The following ULK4 variants were observed in gnomAD, a reference collection of about 807,000 sequenced individuals.
ULK4 encodes inactive serine/threonine-protein kinase ULK4.
A neutral mutation model predicts 160.6 loss-of-function variants in ULK4; 133 were observed. That is an observed-to-expected ratio of 0.83 (90% CI 0.72 to 0.96). The LOEUF is 0.96. Ranked by LOEUF, ULK4 falls within the 40% of genes least tolerant of loss-of-function variation. ULK4 has a pLI of 0.00. For missense variants in ULK4, 1,580 were observed against 1,499.5 expected, an observed-to-expected ratio of 1.05 and a Z score of -0.89; for synonymous variants, 534 against 539.8, an observed-to-expected ratio of 0.99 and a Z score of 0.15.
At chr3:41,591,441 A>T (rs1011901078) in intron 31 of ULK4, among the ~76,000 whole-genome samples, 2 of 152,052 alleles carry the variant, frequency 1.3e-5, no homozygotes, top group African/African-American at 4.8e-5. Context: ...CCACACTGGA[A>T]GAAGAATTGT....
chr3:41,325,224 C>T (rs559049905), intron 35 of ULK4, among the ~76,000 whole-genome samples: 1 of 152,172 alleles, frequency 6.6e-6, no homozygotes, highest in South Asian at 2.1e-4. Context: ...CAAAGATAAC[C>T]ACCCCTTTTC....
intron 31 of ULK4, among the ~76,000 whole-genome samples, chr3:41,596,320 G>A (rs1453192790): frequency 2.0e-5 from 3 of 152,186 alleles, no homozygotes; most frequent in Non-Finnish European, 2.9e-5. Flanking sequence ...GTATAATTGT[G>A]TATTTTTCTC....
Position 41,858,145 on chromosome 3 carries a change from TTG to T in ULK4, c.1657-22176_1657-22175del, listed in dbSNP as rs1460602662. On this transcript the variant is annotated intron_variant, in intron 17 of 36. Transcript: ENST00000301831. ...CTGTATCCCATAGGGTTTTTTTTGT[TTG>T]TTTTTTTTTTTTTTTTTTTTTTTGG... 3.5e-3 allele frequency among the ~76,000 whole-genome samples: 284 copies of T among 80,132 alleles called. 1 individual carries two copies. Among genetic ancestry groups the T allele is most frequent in the African/African-American group, 0.033 (250 of 7,634 alleles). The allele number at this position is 80,132 out of a possible 152,430, so 52.6% of individuals were successfully genotyped here.
At chr3:41,680,135 T>A (rs1476318882) in intron 29 of ULK4, among the ~76,000 whole-genome samples, 1 of 152,214 alleles carries the variant, frequency 6.6e-6, no homozygotes, top group Non-Finnish European at 1.5e-5. Context: ...CTAAAAACAT[T>A]AATCCCATTA....
chr3:41,671,282 A>C (rs983238130), intron 29 of ULK4, among the ~76,000 whole-genome samples: 1 of 152,108 alleles, frequency 6.6e-6, no homozygotes, highest in Admixed American at 6.5e-5. Context: ...AGAATAGCTA[A>C]AGCAATCCTG....
intron 31 of ULK4, among the ~76,000 whole-genome samples, chr3:41,588,460 G>A (rs1017681776): frequency 1.6e-4 from 25 of 152,124 alleles, no homozygotes; most frequent in African/African-American, 6.0e-4. Context: ...ATGGGACTGA[G>A]TTTACCACTC....
chr3:41,261,348 G>A (rs765871593), intron 35 of ULK4, among the ~76,000 whole-genome samples: 2 of 152,108 alleles, frequency 1.3e-5, no homozygotes, highest in Admixed American at 6.6e-5. Flanking sequence ...CTTTACAGAT[G>A]AGAAAATGAA....
intron 35 of ULK4, among the ~76,000 whole-genome samples, chr3:41,388,304 T>C (rs2081871530): frequency 6.6e-6 from 1 of 151,988 alleles, no homozygotes; most frequent in Admixed American, 6.6e-5. Flanking sequence ...GTTGCGAAAA[T>C]TTTCTCCCAT....
chr3:41,900,770 G>A lies in ULK4; in HGVS notation c.1242C>T (p.Tyr414=). The A allele has an allele frequency of 6.2e-7, 1 of 1,613,794 alleles. No individual in the cohort carries two copies. The highest frequency in any genetic ancestry group is 8.5e-7 in the Non-Finnish European group (1 of 1,179,780). The change falls in exon 13 of 37, where the codon TAC becomes TAT. Residue 414 remains tyrosine, a synonymous_variant. Coordinates refer to ENST00000301831, the MANE Select transcript of ULK4 (RefSeq NM_017886.4). ...DLESQMRELI[Y]TDSDLVVTPI... ...GGGTGACAACAAGATCTGAGTCCGT[G>A]TAGATAAGCTCTCTCATCTGGGATT...
chr3:41,894,765 G>C (rs551453089), intron 16 of ULK4, among the ~76,000 whole-genome samples: 1 of 152,272 alleles, frequency 6.6e-6, no homozygotes, highest in South Asian at 2.1e-4. Context: ...ACCCAGGTCT[G>C]TCTGAATCCT....
intron 35 of ULK4, among the ~76,000 whole-genome samples, chr3:41,297,914 C>T (rs1217660862): frequency 2.0e-5 from 3 of 152,192 alleles, no homozygotes; most frequent in African/African-American, 7.2e-5. Flanking sequence ...GCTTTCCTGG[C>T]AATGTTACAC....
At chr3:41,885,512 T>G (rs910586086) in intron 16 of ULK4, among the ~76,000 whole-genome samples, 2 of 152,108 alleles carry the variant, frequency 1.3e-5, no homozygotes, top group African/African-American at 4.8e-5. Context: ...ACACTGTACC[T>G]CAGAACCAAC....
intron 21 of ULK4, among the ~76,000 whole-genome samples, chr3:41,755,530 C>G (rs371049480): frequency 2.8e-4 from 43 of 152,244 alleles, no homozygotes; most frequent in African/African-American, 8.7e-4. Flanking sequence ...TTTCCAGCAA[C>G]TAGACAGTAG....
chr3:41,392,832 G>C (rs190506332), intron 35 of ULK4, among the ~76,000 whole-genome samples: 14 of 152,246 alleles, frequency 9.2e-5, no homozygotes, highest in Non-Finnish European at 1.9e-4. Context: ...ACTGGCACCA[G>C]GTAATAAATC....
intron 34 of ULK4, among the ~76,000 whole-genome samples, chr3:41,444,375 CT>C (rs1326680760): frequency 1.1e-4 from 17 of 151,842 alleles, no homozygotes; most frequent in African/African-American, 3.9e-4. Flanking sequence ...CTCTCTCTCT[CT>C]CTCTCTCTCT....
chr3:41,650,693 G>A (rs566995191), intron 30 of ULK4, among the ~76,000 whole-genome samples: 6 of 152,344 alleles, frequency 3.9e-5, no homozygotes, highest in East Asian at 3.9e-4. Flanking sequence ...CTGCTGAGCC[G>A]AGTGGGCAGA....
chr3:41,865,710 T>C (rs1344843526), intron 17 of ULK4, among the ~76,000 whole-genome samples: 2 of 152,214 alleles, frequency 1.3e-5, no homozygotes, highest in African/African-American at 2.4e-5. Context: ...TAAATATTTG[T>C]TGACTGGATA....
At chr3:41,587,776 G>A (rs903013623) in intron 31 of ULK4, among the ~76,000 whole-genome samples, 35 of 152,262 alleles carry the variant, frequency 2.3e-4, no homozygotes, top group African/African-American at 7.0e-4. Flanking sequence ...CGATGCTCTT[G>A]TAAGTGTTGT....
At chr3:41,567,714 C>T (rs1482912188) in intron 31 of ULK4, among the ~76,000 whole-genome samples, 4 of 152,118 alleles carry the variant, frequency 2.6e-5, no homozygotes, top group Non-Finnish European at 5.9e-5. Context: ...CCATCTGCCT[C>T]AGCCTCCCAA....
Sources: allele counts gnomAD v4.1 joint callset (sites outside exome capture counted in the v4.1 genomes callset), GRCh38; gene constraint gnomAD v4.1.1; transcripts MANE v1.5; gene names NCBI Gene and HGNC (gene_info 2026-07-23, HGNC 2026-07-21).